The following NAALAD2 variants were observed in gnomAD, a reference collection of about 807,000 sequenced individuals.
NAALAD2 encodes N-acetylated alpha-linked acidic dipeptidase 2, also known as N-acetylated-alpha-linked acidic dipeptidase 2.
Under a neutral mutation model 95.6 loss-of-function variants are expected in NAALAD2, and 89 were observed. That is an observed-to-expected ratio of 0.93 (90% CI 0.78 to 1.11). The LOEUF (loss-of-function observed/expected upper bound fraction) is 1.11. Among genes scored for constraint, NAALAD2 ranks in the 50% least tolerant of loss-of-function variants. The probability of loss-of-function intolerance (pLI) is 0.00; values close to 1 mark genes in which losing one functional copy is unlikely to be tolerated. For synonymous variants in NAALAD2, 264 were observed against 294.4 expected (o/e 0.90, Z 1.06); for missense variants, 894 against 872.4 (o/e 1.02, Z -0.31).
At chr11:90,188,999 C>T (rs1857244285) in intron 18 of NAALAD2, among the ~76,000 whole-genome samples, 1 of 152,154 alleles carries the variant, frequency 6.6e-6, no homozygotes. Context: ...TCACACTAAT[C>T]AGCTGAGTTA....
intron 13 of NAALAD2, among the ~76,000 whole-genome samples, chr11:90,170,350 TTAA>T (rs1323218444): frequency 6.6e-6 from 1 of 152,220 alleles, no homozygotes; most frequent in African/African-American, 2.4e-5. Flanking sequence ...ATAGTTCTTA[TTAA>T]TAATTGTGTA....
rs1202465969 is a variant in NAALAD2, at chr11:90,191,704, T to C, written c.2180T>C (p.Phe727Ser). The C allele has an allele frequency of 5.6e-6, 9 of 1,597,448 alleles. No individual in the cohort carries two copies. Among genetic ancestry groups the C allele is most frequent in the Admixed American group, 5.2e-5 (3 of 57,808 alleles). ...EVKKHISIAA[F>S]TIQAAAGTLK... ...AAGAAACATATTTCTATTGCAGCTT[T>C]TACAATTCAAGCAGCAGCAGGAACT... Residue 727 changes from phenylalanine (F) to serine (S), a missense_variant, in exon 19 of 19, where the codon TTT (phenylalanine) becomes TCT (serine). Coordinates refer to ENST00000534061, the MANE Select transcript of NAALAD2 (RefSeq NM_005467.4).
chr11:90,134,470 G>A (rs1939329816), upstream of NAALAD2: 1 of 399,902 alleles, frequency 2.5e-6, no homozygotes, highest in Non-Finnish European at 4.6e-6. Context: ...AATTAGGGAC[G>A]TTTTCAGCAG....
chr11:90,170,218 C>T (rs1952595033), intron 13 of NAALAD2, 82 bp downstream of exon 13: 2 of 882,786 alleles, frequency 2.3e-6, no homozygotes, highest in African/African-American at 1.7e-5. Context: ...ATTAATGGTA[C>T]TTATTTTTAA....
At chr11:90,146,428 G>A (rs1388921173) in intron 2 of NAALAD2, among the ~76,000 whole-genome samples, 5 of 126,720 alleles carry the variant, frequency 3.9e-5, no homozygotes, top group East Asian at 4.8e-4. Context: ...GCATGATCTC[G>A]GCTCACTGCA....
intron 18 of NAALAD2, among the ~76,000 whole-genome samples, chr11:90,185,444 G>C (rs984879668): frequency 3.3e-5 from 5 of 152,084 alleles, no homozygotes; most frequent in Non-Finnish European, 5.9e-5. Flanking sequence ...GCTGAGAAAG[G>C]AGGATCGCTT....
At chr11:90,146,375 T>G (rs1366203918) in intron 2 of NAALAD2, among the ~76,000 whole-genome samples, 2 of 116,550 alleles carry the variant, frequency 1.7e-5, no homozygotes, top group Non-Finnish European at 3.4e-5. Context: ...TTTTTTTTTT[T>G]TGTGATGTAG....
chr11:90,175,940 G>GTGTGTGTA (rs1555125286), intron 14 of NAALAD2, 32 bp from the exon 15 acceptor site: 1 of 1,262,518 alleles, frequency 7.9e-7, no homozygotes, highest in African/African-American at 1.5e-5. Flanking sequence ...GTGTGTGTGT[G>GTGTGTGTA]TGTGTGTGTG....
intron 16 of NAALAD2, among the ~76,000 whole-genome samples, chr11:90,178,699 A>G (rs117651245): frequency 0.02 from 3,033 of 152,280 alleles, 50 homozygotes; most frequent in Middle Eastern, 0.051. Flanking sequence ...ACTGTTATAG[A>G]AACAATATTA....
At position 90,168,952 on chromosome 11, in the gene NAALAD2, GA is replaced by G. The variant is rs1176842130; in HGVS notation, c.1303del (p.Arg435GlufsTer12). On this transcript the variant is annotated frameshift_variant, in exon 12 of 19. Coordinates refer to ENST00000534061, the MANE Select transcript of NAALAD2 (RefSeq NM_005467.4). LOFTEE classifies it high-confidence loss of function. ...AEENVKILQE[R>X]SIAYINSDSS... is the part of the protein sequence containing the mutation. ...AGGAGAATGTCAAAATACTCCAGGA[GA>G]GAAGCATTGCTTATATCAACTCGGA... 1 of 1,608,374 alleles carries G rather than the reference GA, an allele frequency of 6.2e-7. No individual in the cohort carries two copies.
chr11:90,174,137 G>C (rs1320878244), intron 14 of NAALAD2, among the ~76,000 whole-genome samples: 1 of 152,102 alleles, frequency 6.6e-6, no homozygotes, highest in Non-Finnish European at 1.5e-5. Flanking sequence ...TTGGAGACCA[G>C]CCTGGCCAAC....
chr11:90,173,958 T>G (rs1344544851), intron 14 of NAALAD2, 43 bp downstream of exon 14: 1 of 1,240,614 alleles, frequency 8.1e-7, no homozygotes, highest in East Asian at 2.4e-5. Context: ...GGATAAGTTA[T>G]GAATTCCCCT....
chr11:90,135,768 C>A, intron 2 of NAALAD2, 98 bp downstream of exon 2: 2 of 849,846 alleles, frequency 2.4e-6, no homozygotes, highest in South Asian at 2.7e-5. Context: ...ACAGTCTTCT[C>A]TGTGTGAAAT....
chr11:90,145,454 A>G (rs1951727587), intron 2 of NAALAD2, among the ~76,000 whole-genome samples: 1 of 152,226 alleles, frequency 6.6e-6, no homozygotes, highest in African/African-American at 2.4e-5. Context: ...TGCTCTATGT[A>G]GAAACAAAAA....
chr11:90,135,787 A>C, intron 2 of NAALAD2, 117 bp downstream of exon 2: 1 of 714,248 alleles, frequency 1.4e-6, no homozygotes, highest in Non-Finnish European at 2.1e-6. Context: ...ATTACATATT[A>C]GTCATCAACT....
At chr11:90,139,001 T>C (rs1294441891) in intron 2 of NAALAD2, among the ~76,000 whole-genome samples, 2 of 152,030 alleles carry the variant, frequency 1.3e-5, no homozygotes, top group Non-Finnish European at 2.9e-5. Context: ...TAGAGTGCAG[T>C]GAGCCTTAAA....
chr11:90,175,923 T>G lies in NAALAD2; in HGVS notation c.1503-49T>G, dbSNP rs1952775696. ...TCTATTTAACTTTGTATCATTTACTTGTTTATGTGTGTGTGTGTGTGTGTG... is the reference window on the plus strand; with the variant it reads ...TCTATTTAACTTTGTATCATTTACTGGTTTATGTGTGTGTGTGTGTGTGTG... On this transcript the variant is annotated intron_variant, in intron 14 of 18. Coordinates refer to ENST00000534061, the MANE Select transcript of NAALAD2 (RefSeq NM_005467.4). 6 of 1,147,504 alleles carry G rather than the reference T, an allele frequency of 5.2e-6. No individual in the cohort carries two copies. The South Asian group carries it at 6.4e-5, about 12-fold the overall frequency. The allele number at this position is 1,147,504 out of a possible 1,614,324, so 71.1% of individuals were successfully genotyped here. A position where few individuals can be genotyped will look rare whatever the true frequency, so the allele number is the denominator to read the frequency against.
chr11:90,170,698 G>A (rs974081221), intron 13 of NAALAD2, among the ~76,000 whole-genome samples: 3 of 152,152 alleles, frequency 2.0e-5, no homozygotes, highest in Admixed American at 1.3e-4. Context: ...AGGTGGCTGG[G>A]GGAAGTTGAG....
rs758160068 is a variant in NAALAD2, at chr11:90,176,045, C to A, written c.1576C>A (p.Arg526Ser). The A allele has an allele frequency of 1.2e-6, 2 of 1,612,818 alleles. No individual in the cohort carries two copies. Among genetic ancestry groups the A allele is most frequent in the Non-Finnish European group, 1.7e-6 (2 of 1,179,312 alleles). ...ACTTGGAATTGCTTCAGGCAGAGCCCGTTACACTAAGAATAAGGTAAGCCA... is the reference window on the plus strand; with the variant it reads ...ACTTGGAATTGCTTCAGGCAGAGCCAGTTACACTAAGAATAAGGTAAGCCA... Reference protein sequence around the residue: ...QRLGIASGRARYTKNKKTDKY... With the variant: ...QRLGIASGRASYTKNKKTDKY... Residue 526 changes from arginine to serine, a missense_variant, in exon 15 of 19, where the codon CGT becomes AGT. Coordinates refer to ENST00000534061, the MANE Select transcript of NAALAD2 (RefSeq NM_005467.4).
Sources: allele counts gnomAD v4.1 joint callset (sites outside exome capture counted in the v4.1 genomes callset), GRCh38; gene constraint gnomAD v4.1.1; transcripts MANE v1.5; gene names NCBI Gene and HGNC (gene_info 2026-07-23, HGNC 2026-07-21).